MBNL1: variants seen among roughly 807,000 people sequenced by gnomAD.
MBNL1 encodes muscleblind like splicing regulator 1, also known as muscleblind-like protein 1.
In MBNL1, 8 loss-of-function variants were observed where a neutral mutation model predicts 42.2. The observed-to-expected ratio is 0.19, with a 90% CI of 0.11 to 0.34. The LOEUF is 0.34. Ranked by LOEUF, MBNL1 falls within the 10% of genes least tolerant of loss-of-function variation. The pLI, the probability that MBNL1 is intolerant of heterozygous loss-of-function variation, is 1.00. For synonymous variants in MBNL1, 169 were observed against 173.9 expected, an observed-to-expected ratio of 0.97 and a Z score of 0.22; for missense variants, 309 against 495.3, an observed-to-expected ratio of 0.62 and a Z score of 3.57.
upstream of MBNL1, chr3:152,268,656 C>G (rs766419839): frequency 2.4e-6 from 1 of 418,058 alleles, no homozygotes; most frequent in Non-Finnish European, 4.8e-6. Flanking sequence ...CCCGCGCGGG[C>G]TCCGGCTTCC....
chr3:152,290,820 A>G (rs569385600), intron 1 of MBNL1, among the ~76,000 whole-genome samples: 1 of 152,266 alleles, frequency 6.6e-6, no homozygotes, highest in South Asian at 2.1e-4. Context: ...CGGGAATAAC[A>G]GTATTACTGT....
chr3:152,423,228 A>G (rs1310102099), intron 3 of MBNL1, among the ~76,000 whole-genome samples: 2 of 152,190 alleles, frequency 1.3e-5, no homozygotes, highest in African/African-American at 2.4e-5. Context: ...AAATAGACAC[A>G]ATATAAATGA....
intron 2 of MBNL1, among the ~76,000 whole-genome samples, chr3:152,328,594 T>G (rs956276998): frequency 1.3e-5 from 2 of 152,126 alleles, no homozygotes; most frequent in Non-Finnish European, 2.9e-5. Flanking sequence ...ATGGAAAAAG[T>G]TTACATTGTA....
At chr3:152,284,400 G>A (rs1318788624) in intron 1 of MBNL1, among the ~76,000 whole-genome samples, 1 of 151,814 alleles carries the variant, frequency 6.6e-6, no homozygotes, top group Non-Finnish European at 1.5e-5. Flanking sequence ...TGATTTCTCT[G>A]TGCCAAAAAG....
intron 1 of MBNL1, among the ~76,000 whole-genome samples, chr3:152,294,382 C>G (rs2057610082): frequency 6.8e-6 from 1 of 147,902 alleles, no homozygotes; most frequent in African/African-American, 2.5e-5. Context: ...CTCCCAGGTT[C>G]ACGCCATTCT....
chr3:152,437,538 T>A (rs890217489), intron 4 of MBNL1, among the ~76,000 whole-genome samples: 1 of 152,178 alleles, frequency 6.6e-6, no homozygotes, highest in African/African-American at 2.4e-5. Context: ...ATCTCTAAGG[T>A]CACTTCCAGT....
chr3:152,422,608 C>T (rs1395416781), intron 3 of MBNL1, among the ~76,000 whole-genome samples: 3 of 152,190 alleles, frequency 2.0e-5, no homozygotes, highest in Admixed American at 2.0e-4. Flanking sequence ...ACTTAATAGA[C>T]ATCTACAGGA....
At chr3:152,418,797 A>G (rs1489908618) in intron 3 of MBNL1, among the ~76,000 whole-genome samples, 2 of 150,720 alleles carry the variant, frequency 1.3e-5, no homozygotes, top group East Asian at 3.9e-4. Flanking sequence ...GCTCACTGCA[A>G]GCTCCGCCTC....
chr3:152,278,595 A>G (rs2150210519), intron 1 of MBNL1, among the ~76,000 whole-genome samples: 1 of 152,276 alleles, frequency 6.6e-6, no homozygotes, highest in African/African-American at 2.4e-5. Context: ...AGTTTTGAGG[A>G]CTGAGATTTT....
chr3:152,332,719 T>C (rs1560181049), intron 2 of MBNL1, among the ~76,000 whole-genome samples: 3 of 129,608 alleles, frequency 2.3e-5, no homozygotes, highest in Admixed American at 7.6e-5. Context: ...TGTGTGTGTG[T>C]GTGTGTGTGT....
chr3:152,328,921 A>G (rs956164045), intron 2 of MBNL1, among the ~76,000 whole-genome samples: 1 of 152,342 alleles, frequency 6.6e-6, no homozygotes, highest in South Asian at 2.1e-4. Flanking sequence ...AATATTGGCT[A>G]TTTTAATCTG....
chr3:152,411,093 A>T (rs1230779546), intron 2 of MBNL1, among the ~76,000 whole-genome samples: 1 of 152,246 alleles, frequency 6.6e-6, no homozygotes, highest in East Asian at 1.9e-4. Context: ...TATAGAAAAG[A>T]TGTGACCACT....
At chr3:152,430,410 G>A (rs921562566) in intron 3 of MBNL1, among the ~76,000 whole-genome samples, 2 of 152,146 alleles carry the variant, frequency 1.3e-5, no homozygotes, top group African/African-American at 4.8e-5. Context: ...GTAAAAGAAT[G>A]CAAAGAGGAA....
At chr3:152,431,667 G>A (rs1406633080) in intron 3 of MBNL1, among the ~76,000 whole-genome samples, 5 of 152,116 alleles carry the variant, frequency 3.3e-5, no homozygotes, top group Non-Finnish European at 1.5e-5. Context: ...TTAAAGAACA[G>A]CATCCGTTTT....
At chr3:152,280,084 G>GA (rs1173994363) in intron 1 of MBNL1, among the ~76,000 whole-genome samples, 1 of 152,130 alleles carries the variant, frequency 6.6e-6, no homozygotes. Context: ...GGCTGCAAAA[G>GA]AAAGCATCCT....
At chr3:152,325,840 T>TA (rs1243267858) in intron 2 of MBNL1, among the ~76,000 whole-genome samples, 4 of 152,022 alleles carry the variant, frequency 2.6e-5, no homozygotes, top group Non-Finnish European at 5.9e-5. Flanking sequence ...TTGTTAAGTT[T>TA]AAAAAATTTA....
At chr3:152,397,195 T>G (rs2097998182) in intron 2 of MBNL1, among the ~76,000 whole-genome samples, 1 of 152,188 alleles carries the variant, frequency 6.6e-6, no homozygotes, top group African/African-American at 2.4e-5. Flanking sequence ...AGGTTTCAAA[T>G]GATTGAGAAT....
chr3:152,442,830 T>G (rs1464475151), intron 4 of MBNL1, among the ~76,000 whole-genome samples: 4 of 152,222 alleles, frequency 2.6e-5, no homozygotes, highest in African/African-American at 7.2e-5. Context: ...CCAGTCCCAC[T>G]GGCCTGTAAC....
At chr3:152,316,531 A>G (rs1397717249) in intron 2 of MBNL1, among the ~76,000 whole-genome samples, 1 of 152,114 alleles carries the variant, frequency 6.6e-6, no homozygotes, top group African/African-American at 2.4e-5. Flanking sequence ...GAATATATTT[A>G]TTTATTCTCT....
Sources: gnomAD v4.1 joint callset for allele counts (sites outside exome capture counted in the v4.1 genomes callset) on GRCh38, gnomAD v4.1.1 for gene constraint, MANE v1.5 for transcripts, NCBI Gene and HGNC (gene_info 2026-07-23, HGNC 2026-07-21) for gene names.